Variants in LDLRAD1 observed in about 807,000 individuals in gnomAD.
The protein encoded by LDLRAD1 is low density lipoprotein receptor class A domain containing 1.
A neutral mutation model predicts 24.8 loss-of-function variants in LDLRAD1; 17 were observed. That is an observed-to-expected ratio of 0.69 (90% CI 0.47 to 1.03). The LOEUF (loss-of-function observed/expected upper bound fraction) is 1.03, where lower values mean the gene tolerates loss of function less well. LDLRAD1 is among the 50% of genes least tolerant of loss of function. LDLRAD1 has a pLI of 0.00. For synonymous variants in LDLRAD1, 103 were observed against 108.2 expected (o/e 0.95, Z 0.30); for missense variants, 277 against 271.0 (o/e 1.02, Z -0.16).
At chr1:54,011,020 C>A (rs1656028517) in intron 4 of LDLRAD1, among the ~76,000 whole-genome samples, 1 of 152,192 alleles carries the variant, frequency 6.6e-6, no homozygotes, top group African/African-American at 2.4e-5. Context: ...TGCCCAGACC[C>A]AGCTAGAAGG....
chr1:54,008,891 T>TCGCCGTA lies in LDLRAD1; in HGVS notation c.*90_*91insTACGGCG. On this transcript the variant is annotated 3_prime_UTR_variant, in exon 6 of 6. Transcript: ENST00000371360. ...GTGTAGATCCCATTTCAAAGGCTGC[T>TCGCCGTA]TCCTGCCCTTGTGCGCTAGGATTTG... 1 of 1,109,572 alleles carries TCGCCGTA rather than the reference T, an allele frequency of 9.0e-7. No individual in the cohort carries two copies. The highest frequency in any genetic ancestry group is 2.8e-5 in the East Asian group (1 of 35,864). The allele number at this position is 1,109,572 out of a possible 1,614,324, so 68.7% of individuals were successfully genotyped here. A position where few individuals can be genotyped will look rare whatever the true frequency, so the allele number is the denominator to read the frequency against.
chr1:54,017,537 C>A, intron 1 of LDLRAD1, 110 bp from the exon 2 acceptor site: 1 of 871,500 alleles, frequency 1.1e-6, no homozygotes, highest in Non-Finnish European at 1.9e-6. Context: ...TTAGGTAGAA[C>A]CACGGGTCCG....
At chr1:54,014,493 G>C in intron 2 of LDLRAD1, 129 bp from the exon 3 acceptor site, 2 of 903,264 alleles carry the variant, frequency 2.2e-6, no homozygotes, top group Non-Finnish European at 3.4e-6. Flanking sequence ...AGCAGGGATG[G>C]CTTCCCTGGA....
rs890442860 is a variant in LDLRAD1 at position 54,010,426 on chromosome 1, G to A, written c.341-16C>T. The A allele has an allele frequency of 6.2e-7, 1 of 1,613,602 alleles. No homozygotes were observed. The highest frequency in any genetic ancestry group is 1.1e-5 in the South Asian group (1 of 91,042). ...GGCACATCTCCTGTAGAGGTACAGA[G>A]GAGGCAGGAAGAAGTCCACATCTGG... On this transcript the variant is annotated splice_polypyrimidine_tract_variant and intron_variant, in intron 4 of 5. Transcript: ENST00000371360.
At chr1:54,013,111 C>T (rs1656131643) in intron 3 of LDLRAD1, among the ~76,000 whole-genome samples, 2 of 152,132 alleles carry the variant, frequency 1.3e-5, no homozygotes, top group Admixed American at 1.3e-4. Flanking sequence ...CAGACACACA[C>T]AGATGCACAC....
At chr1:54,017,780 A>G (rs1312384087) in intron 1 of LDLRAD1, among the ~76,000 whole-genome samples, 1 of 151,950 alleles carries the variant, frequency 6.6e-6, no homozygotes, top group Non-Finnish European at 1.5e-5. Flanking sequence ...CTCTGTTTCC[A>G]TACCAGCACT....
chr1:54,014,377 G>GA lies in LDLRAD1; in HGVS notation c.74-14dup. ...TGGCCGCCGCCTGCTGTGTGGGGGG[G>GA]AAACAAGCCCGGGGGTGGTGGTGAT... On this transcript the variant is annotated splice_polypyrimidine_tract_variant and intron_variant, in intron 2 of 5. Transcript: ENST00000371360. The GA allele has an allele frequency of 7.5e-7, 1 of 1,332,364 alleles. No individual in the cohort carries two copies. Among genetic ancestry groups the GA allele is most frequent in the East Asian group, 4.4e-5 (1 of 22,482 alleles). 82.5% of individuals were successfully genotyped at this position (1,332,364 alleles called of 1,614,324 possible). A position where few individuals can be genotyped will look rare whatever the true frequency, so the allele number is the denominator to read the frequency against.
chr1:54,015,272 T>C (rs974917855), intron 2 of LDLRAD1, among the ~76,000 whole-genome samples: 1 of 152,118 alleles, frequency 6.6e-6, no homozygotes, highest in African/African-American at 2.4e-5. Context: ...GTCTGGCCTG[T>C]TATTGCTTAT....
intron 4 of LDLRAD1, among the ~76,000 whole-genome samples, chr1:54,011,171 T>C (rs746718605): frequency 1.2e-4 from 18 of 152,034 alleles, no homozygotes; most frequent in Non-Finnish European, 2.5e-4. Context: ...GGATGTGGCG[T>C]AGAGAAGAGA....
chr1:54,011,578 G>A (rs1470080193), intron 4 of LDLRAD1, among the ~76,000 whole-genome samples: 1 of 152,178 alleles, frequency 6.6e-6, no homozygotes, highest in Non-Finnish European at 1.5e-5. Context: ...TGTGGGGTCA[G>A]GCTCCTCTCT....
rs138855643 is a variant in LDLRAD1 at position 54,013,065 on chromosome 1, G to A, written c.203-785C>T. On this transcript the variant is annotated intron_variant, in intron 3 of 5. Coordinates refer to ENST00000371360, the MANE Select transcript of LDLRAD1 (RefSeq NM_001010978.4). The stretch of plus-strand genomic sequence containing the variant: ...AGCTAGTGTGTGTGGGGGAGGCGGC[G>A]GGGGGGAGCAACTCTCAGAGACACT... 1.7e-3 allele frequency among the ~76,000 whole-genome samples: 262 copies of A among 151,958 alleles called. 2 individuals are homozygous for A. The highest frequency in any genetic ancestry group is 5.9e-3 in the African/African-American group (246 of 41,380).
At chr1:54,015,275 T>C (rs1271363822) in intron 2 of LDLRAD1, among the ~76,000 whole-genome samples, 2 of 152,148 alleles carry the variant, frequency 1.3e-5, no homozygotes, top group African/African-American at 4.8e-5. Flanking sequence ...TGGCCTGTTA[T>C]TGCTTATTGA....
intron 2 of LDLRAD1, 128 bp downstream of exon 2, chr1:54,017,245 GACA>G (rs1656345169): frequency 1.4e-6 from 1 of 711,140 alleles, no homozygotes; most frequent in Non-Finnish European, 2.4e-6. Context: ...GCTGGGAGCA[GACA>G]ACGTTAACAT....
At chr1:54,014,500 TGGAGGAGCA>T in intron 2 of LDLRAD1, 136 bp from the exon 3 acceptor site, 2 of 827,276 alleles carry the variant, frequency 2.4e-6, no homozygotes, top group Non-Finnish European at 3.8e-6. Context: ...ATGGCTTCCC[TGGAGGAGCA>T]GCTCCCAAGC....
At chr1:54,017,974 TG>T in intron 1 of LDLRAD1, 117 bp downstream of exon 1, 4 of 967,064 alleles carry the variant, frequency 4.1e-6, no homozygotes, top group Non-Finnish European at 5.1e-6. Flanking sequence ...GGCTCTTACC[TG>T]GGGACAGCTC....
chr1:54,013,782 C>T (rs1656166581), intron 3 of LDLRAD1, among the ~76,000 whole-genome samples: 1 of 152,182 alleles, frequency 6.6e-6, no homozygotes, highest in Non-Finnish European at 1.5e-5. Flanking sequence ...GTTATTAGCT[C>T]CTTGAAGGCA....
chr1:54,014,865 G>A lies in LDLRAD1; in HGVS notation c.74-501C>T, dbSNP rs188840920. Reference sequence around the variant, plus strand: ...ATGCCAAAACCCGTGCCCTTTCCACGATCCCAATTGACTGTCCATTCTGGA... The same window carrying A: ...ATGCCAAAACCCGTGCCCTTTCCACAATCCCAATTGACTGTCCATTCTGGA... On this transcript the variant is annotated intron_variant, in intron 2 of 5. Transcript: ENST00000371360. Among the ~76,000 whole-genome samples, 290 of 152,244 alleles carry A rather than the reference G, an allele frequency of 1.9e-3. 1 individual carries two copies. Among genetic ancestry groups the A allele is most frequent in the African/African-American group, 6.3e-3 (263 of 41,536 alleles).
chr1:54,012,723 A>G (rs577194308), intron 3 of LDLRAD1, among the ~76,000 whole-genome samples: 1 of 152,220 alleles, frequency 6.6e-6, no homozygotes, highest in South Asian at 2.1e-4. Context: ...CAGAAGCAAT[A>G]TATTTGGGCT....
chr1:54,009,058 A>G lies in LDLRAD1; in HGVS notation c.542T>C (p.Ile181Thr), dbSNP rs1242839184. Residue 181 changes from isoleucine (I) to threonine (T), a missense_variant, in exon 6 of 6, where the codon ATA (isoleucine) becomes ACA (threonine). Coordinates refer to ENST00000371360, the MANE Select transcript of LDLRAD1 (RefSeq NM_001010978.4). The stretch of plus-strand genomic sequence containing the variant: ...ATGGTCGCGGCAGAGATGCCTCGGT[A>G]TACAGTCGCAGTACTTGAAGAAGGT... ...PSTFFKYCDC[I>T]PRHLCRDHVQ... 1.2e-6 allele frequency: 2 copies of G among 1,613,866 alleles called. No homozygotes were observed. The highest frequency in any genetic ancestry group is 1.7e-5 in the Admixed American group (1 of 60,002).
Sources: gnomAD v4.1 joint callset for allele counts (sites outside exome capture counted in the v4.1 genomes callset) on GRCh38, gnomAD v4.1.1 for gene constraint, MANE v1.5 for transcripts, NCBI Gene and HGNC (gene_info 2026-07-23, HGNC 2026-07-21) for gene names.